MYO1B: variants seen among roughly 807,000 people sequenced by gnomAD.
MYO1B encodes unconventional myosin-Ib.
A neutral mutation model predicts 159.7 loss-of-function variants in MYO1B; 72 were observed. The ratio of observed to expected loss-of-function variants is 0.45; its 90% CI spans 0.37 to 0.55. The LOEUF is 0.55. Among genes scored for constraint, MYO1B ranks in the 20% least tolerant of loss-of-function variants. The pLI is 0.00. For missense variants in MYO1B, 1,062 were observed against 1,364.8 expected, an observed-to-expected ratio of 0.78 and a Z score of 3.50; for synonymous variants, 468 against 473.8, an observed-to-expected ratio of 0.99 and a Z score of 0.16.
chr2:191,272,106 G>A (rs559317928), intron 1 of MYO1B, among the ~76,000 whole-genome samples: 13 of 152,338 alleles, frequency 8.5e-5, no homozygotes, highest in Admixed American at 2.0e-4. Flanking sequence ...ATGAATTAGT[G>A]TATGTTGAAA....
chr2:191,300,639 C>CTTTTTTTTTTTT lies in MYO1B; in HGVS notation c.251+4418_251+4429dup, dbSNP rs1233709923. Among the ~76,000 whole-genome samples, 44 of 66,930 alleles carry CTTTTTTTTTTTT rather than the reference C, an allele frequency of 6.6e-4. 11 individuals are homozygous for CTTTTTTTTTTTT. Among genetic ancestry groups the CTTTTTTTTTTTT allele is most frequent in the African/African-American group, 1.9e-3 (30 of 15,602 alleles). 43.9% of individuals were successfully genotyped at this position (66,930 alleles called of 152,430 possible). Reference sequence around the variant, plus strand: ...TTACAGGTGTGACACTGTGCGCAGCCTTTTTTTTTTTTTTTTAAGAGATGA... The same window carrying CTTTTTTTTTTTT: ...TTACAGGTGTGACACTGTGCGCAGCCTTTTTTTTTTTTTTTTTTTTTTTTTTTTAAGAGATGA... On this transcript the variant is annotated intron_variant, in intron 3 of 30. Transcript: ENST00000392318.
chr2:191,411,239 C>A, intron 27 of MYO1B, 67 bp downstream of exon 27: 3 of 992,126 alleles, frequency 3.0e-6, no homozygotes, highest in Non-Finnish European at 4.5e-6. Context: ...ATTTGTACGC[C>A]GTTTTGCCTG....
At chr2:191,413,790 T>C (rs2102831) in intron 27 of MYO1B, among the ~76,000 whole-genome samples, 1,550 of 152,286 alleles carry the variant, frequency 0.01, 60 homozygotes, top group Admixed American at 0.076. Flanking sequence ...TCTGTCTTGA[T>C]TGTTCCGTGT....
At chr2:191,289,170 G>A (rs1688551976) in intron 2 of MYO1B, among the ~76,000 whole-genome samples, 1 of 152,162 alleles carries the variant, frequency 6.6e-6, no homozygotes, top group Admixed American at 6.5e-5. Flanking sequence ...TAAAATGGGA[G>A]GCTTTTGCCT....
At chr2:191,323,555 T>C (rs1690862737) in intron 3 of MYO1B, among the ~76,000 whole-genome samples, 1 of 152,172 alleles carries the variant, frequency 6.6e-6, no homozygotes, top group Non-Finnish European at 1.5e-5. Flanking sequence ...TTTTAAAAAA[T>C]GTGAAACGTG....
rs1277507422 is a variant in MYO1B, at chr2:191,381,467, C to T, written c.1191C>T (p.Asn397=). ...TTTTCATTTTCTCCATACAGGACAACAGCTTTGAGCAGTTCATTATTAATT... is the reference window on the plus strand; with the variant it reads ...TTTTCATTTTCTCCATACAGGACAATAGCTTTGAGCAGTTCATTATTAATT... ...DIYGFEIFED[N]SFEQFIINYC... Residue 397 remains asparagine (N), a synonymous_variant, in exon 14 of 31, where the codon AAC becomes AAT. Transcript: ENST00000392318. 4.3e-6 allele frequency: 7 copies of T among 1,612,874 alleles called. No homozygotes were observed. Among genetic ancestry groups the T allele is most frequent in the Non-Finnish European group, 5.9e-6 (7 of 1,179,156 alleles).
intron 21 of MYO1B, among the ~76,000 whole-genome samples, chr2:191,398,423 A>ACCCC (rs551169413): frequency 9.5e-6 from 1 of 105,126 alleles, no homozygotes; most frequent in African/African-American, 3.7e-5. Context: ...CGGGGGGCTG[A>ACCCC]CCCCCCCCCA....
At chr2:191,314,836 G>A (rs139096593) in intron 3 of MYO1B, among the ~76,000 whole-genome samples, 409 of 152,270 alleles carry the variant, frequency 2.7e-3, no homozygotes, top group African/African-American at 9.4e-3. Context: ...CAGGTGAGAT[G>A]GGGAAGTTTC....
At chr2:191,249,948 A>G (rs538012095) in intron 1 of MYO1B, among the ~76,000 whole-genome samples, 196 of 152,340 alleles carry the variant, frequency 1.3e-3, no homozygotes, top group African/African-American at 4.5e-3. Flanking sequence ...GAGGAGGAAA[A>G]AGGATGCTTC....
intron 8 of MYO1B, among the ~76,000 whole-genome samples, chr2:191,361,476 T>C (rs1322687436): frequency 6.6e-6 from 1 of 151,920 alleles, no homozygotes; most frequent in African/African-American, 2.4e-5. Context: ...AACAAATAGT[T>C]CAAAGAAGAA....
intron 1 of MYO1B, among the ~76,000 whole-genome samples, chr2:191,265,670 A>G (rs1687092380): frequency 6.6e-6 from 1 of 152,160 alleles, no homozygotes; most frequent in South Asian, 2.1e-4. Context: ...GCCAATCTAA[A>G]CACATTGACT....
intron 7 of MYO1B, 71 bp from the exon 8 acceptor site, chr2:191,360,560 A>T: frequency 2.2e-6 from 2 of 913,620 alleles, no homozygotes; most frequent in Non-Finnish European, 1.7e-6. Context: ...AAAGAAAGTG[A>T]GAAGGAAAAA....
intron 2 of MYO1B, among the ~76,000 whole-genome samples, chr2:191,278,461 A>C (rs1199887438): frequency 6.6e-6 from 1 of 152,230 alleles, no homozygotes; most frequent in African/African-American, 2.4e-5. Context: ...GATGATTTTG[A>C]GTAATGTATT....
chr2:191,422,815 A>C (rs1330838906), intron 30 of MYO1B, among the ~76,000 whole-genome samples: 1 of 152,176 alleles, frequency 6.6e-6, no homozygotes, highest in Non-Finnish European at 1.5e-5. Context: ...TTGATAATTT[A>C]ATAGGAGCCC....
chr2:191,421,220 C>T (rs1203702399), intron 30 of MYO1B, among the ~76,000 whole-genome samples: 1 of 151,982 alleles, frequency 6.6e-6, no homozygotes, highest in Admixed American at 6.6e-5. Context: ...CAGGCATGCA[C>T]CACCACGCCC....
chr2:191,277,981 T>A (rs1389208330), intron 2 of MYO1B, among the ~76,000 whole-genome samples: 1 of 152,224 alleles, frequency 6.6e-6, no homozygotes, highest in Non-Finnish European at 1.5e-5. Context: ...ACAAGTAGGA[T>A]CAGTTATAAC....
Position 191,386,086 on chromosome 2 carries a change from T to A in MYO1B, c.1554+2T>A. 6.2e-7 allele frequency: 1 copy of A among 1,613,906 alleles called. No individual in the cohort carries two copies. The highest frequency in any genetic ancestry group is 8.5e-7 in the Non-Finnish European group (1 of 1,179,894). On this transcript the variant is annotated splice_donor_variant, in intron 16 of 30. Coordinates refer to ENST00000392318, the MANE Select transcript of MYO1B (RefSeq NM_001130158.3). LOFTEE classifies it high-confidence loss of function. Reference sequence around the variant, plus strand: ...AGGATCCAGCATTATGCTGGAAAGGTATGGGGGAGCTGTGAGCACCCAGTC... The same window carrying A: ...AGGATCCAGCATTATGCTGGAAAGGAATGGGGGAGCTGTGAGCACCCAGTC...
At position 191,332,696 on chromosome 2, in the gene MYO1B, C is replaced by T. The variant is rs1266845537; in HGVS notation, c.346+2667C>T. Among the ~76,000 whole-genome samples, 5 of 152,326 alleles carry T rather than the reference C, an allele frequency of 3.3e-5. No homozygotes were observed. In the East Asian group the frequency reaches 7.7e-4, roughly 23 times the overall value. On this transcript the variant is annotated intron_variant, in intron 4 of 30. Transcript: ENST00000392318. ...GGAAACATTAAGCAATTTGCCAAAACTTATACAGTGAATAAGTGGCAGAGC... is the reference window on the plus strand; with the variant it reads ...GGAAACATTAAGCAATTTGCCAAAATTTATACAGTGAATAAGTGGCAGAGC...
At chr2:191,284,406 G>A (rs1688242930) in intron 2 of MYO1B, among the ~76,000 whole-genome samples, 1 of 152,186 alleles carries the variant, frequency 6.6e-6, no homozygotes, top group African/African-American at 2.4e-5. Flanking sequence ...TGACAGACCT[G>A]TTTGAACCTT....
Sources: gnomAD v4.1 joint callset for allele counts (sites outside exome capture counted in the v4.1 genomes callset) on GRCh38, gnomAD v4.1.1 for gene constraint, MANE v1.5 for transcripts, NCBI Gene and HGNC (gene_info 2026-07-23, HGNC 2026-07-21) for gene names.